CCN2: variants seen among roughly 807,000 people sequenced by gnomAD.
CCN2 encodes cellular communication network factor 2.
CCN2 carries 22 observed loss-of-function variants against 33.2 expected under a neutral mutation model. That is an observed-to-expected ratio of 0.66 (90% CI 0.47 to 0.95). The LOEUF (loss-of-function observed/expected upper bound fraction) is 0.95, where lower values mean the gene tolerates loss of function less well. Ranked by LOEUF, CCN2 falls within the 40% of genes least tolerant of loss-of-function variation. The pLI is 0.00. For synonymous variants in CCN2, 178 were observed against 200.6 expected, an observed-to-expected ratio of 0.89 and a Z score of 0.95; for missense variants, 469 against 498.8, an observed-to-expected ratio of 0.94 and a Z score of 0.57.
At position 131,950,374 on chromosome 6, in the gene CCN2, C is replaced by T; in HGVS notation, c.459G>A (p.Arg153=). ...LPSPDCPFPR[R]VKLPGKCCEE... is the part of the protein sequence containing the mutation. ...CGCAGCATTTCCCGGGCAGCTTGAC[C>T]CTCCTCGGGAAGGGGCAGTCAGGGC... The change falls in exon 3 of 5, where the codon AGG becomes AGA. Residue 153 remains arginine (R), a synonymous_variant. Coordinates refer to ENST00000367976, the MANE Select transcript of CCN2 (RefSeq NM_001901.4). The surrounding 1 kb of genome is among the most constrained non-coding windows in gnomAD (Gnocchi z 7.1). 6.2e-7 allele frequency: 1 copy of T among 1,614,140 alleles called. No homozygotes were observed. Among genetic ancestry groups the T allele is most frequent in the East Asian group, 2.2e-5 (1 of 44,860 alleles).
chr6:131,950,510 G>A lies in CCN2; in HGVS notation c.323C>T (p.Thr108Met), dbSNP rs758537392. 1.9e-6 allele frequency: 3 copies of A among 1,613,754 alleles called. No homozygotes were observed. The South Asian group carries it at 3.3e-5, about 18-fold the overall frequency. ...GAAGGACTCTCCGCTGCGGTACACCGTACCACCGAAGATGCAGGGAGCACC... is the reference window on the plus strand; with the variant it reads ...GAAGGACTCTCCGCTGCGGTACACCATACCACCGAAGATGCAGGGAGCACC... ...KDGAPCIFGG[T>M]VYRSGESFQS... Residue 108 changes from threonine to methionine, a missense_variant, in exon 3 of 5, where the codon ACG becomes ATG. Transcript: ENST00000367976. The surrounding 1 kb of genome is among the most constrained non-coding windows in gnomAD (Gnocchi z 7.1).
chr6:131,948,867 T>C lies in CCN2; in HGVS notation c.*397A>G. 1 of 235,692 alleles carries C rather than the reference T, an allele frequency of 4.2e-6. No individual in the cohort carries two copies. Among genetic ancestry groups the C allele is most frequent in the Non-Finnish European group, 8.5e-6 (1 of 117,078 alleles). The allele number at this position is 235,692 out of a possible 1,614,324, so 14.6% of individuals were successfully genotyped here. A position where few individuals can be genotyped will look rare whatever the true frequency, so the allele number is the denominator to read the frequency against. On this transcript the variant is annotated 3_prime_UTR_variant, in exon 5 of 5. Transcript: ENST00000367976. ...GGAGAATGCACATCCTAGCTGTCAC[T>C]GGGGCTACAGGCAGGTCAGTGAGCA...
In CCN2 at chr6:131,950,822, G is replaced by A. The variant is rs1203053867; in HGVS notation, c.237C>T (p.Gly79=). 1 of 1,543,074 alleles carries A rather than the reference G, an allele frequency of 6.5e-7. No individual in the cohort carries two copies. Among genetic ancestry groups the A allele is most frequent in the South Asian group, 1.2e-5 (1 of 84,550 alleles). Residue 79 remains glycine (G), a synonymous_variant, in exon 2 of 5, where the codon GGC becomes GGT. Coordinates refer to ENST00000367976, the MANE Select transcript of CCN2 (RefSeq NM_001901.4). This position sits in a 1 kb window ranked among gnomAD's most constrained non-coding sequence, Gnocchi z 7.1. ...TERDPCDPHK[G]LFCHFGSPAN... is the part of the protein sequence containing the mutation. ...CCGGGGAGCCGAAGTGACAGAATAG[G>A]CCCTTGTGCGGGTCGCATGGGTCGC...
Position 131,949,098 on chromosome 6 carries a change from ATTTG to A in CCN2, c.*162_*165del. ...AACCAGTGTCTGGGGTTGATAGACT[ATTTG>A]TTTGACATGGCACAATGTTTTGAAT... On this transcript the variant is annotated 3_prime_UTR_variant, in exon 5 of 5. Transcript: ENST00000367976. The A allele has an allele frequency of 1.5e-6, 1 of 648,648 alleles. No homozygotes were observed. The highest frequency in any genetic ancestry group is 2.7e-6 in the Non-Finnish European group (1 of 374,984). 40.2% of individuals were successfully genotyped at this position (648,648 alleles called of 1,614,324 possible).
In CCN2 at chr6:131,950,323, C is replaced by T; in HGVS notation, c.510G>A (p.Lys170=). ...CCEEWVCDEP[K]DQTVVGPALA... ...GGGCAGGCCCAACCACGGTTTGGTCCTTGGGCTCGTCACACACCCACTCCT... is the reference window on the plus strand; with the variant it reads ...GGGCAGGCCCAACCACGGTTTGGTCTTTGGGCTCGTCACACACCCACTCCT... Residue 170 remains lysine (K), a synonymous_variant, in exon 3 of 5, where the codon AAG becomes AAA. Transcript: ENST00000367976. The surrounding 1 kb of genome is among the most constrained non-coding windows in gnomAD (Gnocchi z 7.1). 1 of 1,614,108 alleles carries T rather than the reference C, an allele frequency of 6.2e-7. No homozygotes were observed. The highest frequency in any genetic ancestry group is 2.2e-5 in the East Asian group (1 of 44,876).
At position 131,950,830 on chromosome 6, in the gene CCN2, G is replaced by A; in HGVS notation, c.229C>T (p.His77Tyr). 2.6e-6 allele frequency: 4 copies of A among 1,541,024 alleles called. No individual in the cohort carries two copies. The highest frequency in any genetic ancestry group is 3.5e-6 in the Non-Finnish European group (4 of 1,150,566). The change falls in exon 2 of 5, where the codon CAC (histidine) becomes TAC (tyrosine). Residue 77 changes from histidine to tyrosine, a missense_variant. Physicochemically the swap from His to Tyr is moderately conservative, Grantham distance 83. Coordinates refer to ENST00000367976, the MANE Select transcript of CCN2 (RefSeq NM_001901.4). The surrounding 1 kb of genome is among the most constrained non-coding windows in gnomAD (Gnocchi z 7.1). ...LCTERDPCDP[H>Y]KGLFCHFGSP... ...CCGAAGTGACAGAATAGGCCCTTGT[G>A]CGGGTCGCATGGGTCGCGCTCGGTG... is the stretch of plus-strand genomic sequence containing the variant.
At chr6:131,949,918 G>C (rs1783076707) in intron 4 of CCN2, 31 bp downstream of exon 4, 4 of 1,607,304 alleles carry the variant, frequency 2.5e-6, no homozygotes, top group Non-Finnish European at 3.4e-6. Context: ...TTTTTCCTGT[G>C]AAAAATAGTT....
rs1295345031 is a variant in CCN2 at position 131,950,104 on chromosome 6, G to C, written c.598C>G (p.Leu200Val). ...GCGCTCCACTCTGTGGTCTGGACCA[G>C]GCAGTTGGCTCTAATCATAGTTGGG... ...PDPTMIRANC[L>V]VQTTEWSACS... Residue 200 changes from leucine (L) to valine (V), a missense_variant, in exon 4 of 5, where the codon CTG becomes GTG. Leu to Val is a conservative substitution (Grantham distance 32). Coordinates refer to ENST00000367976, the MANE Select transcript of CCN2 (RefSeq NM_001901.4). This position sits in a 1 kb window ranked among gnomAD's most constrained non-coding sequence, Gnocchi z 7.1. 1 of 1,614,254 alleles carries C rather than the reference G, an allele frequency of 6.2e-7. No homozygotes were observed. The highest frequency in any genetic ancestry group is 8.5e-7 in the Non-Finnish European group (1 of 1,180,046).
In CCN2 at chr6:131,948,557, T is replaced by C. The variant is rs1378872606; in HGVS notation, c.*707A>G. The C allele has an allele frequency of 1.3e-5, 2 of 152,374 alleles. No individual in the cohort carries two copies. The highest frequency in any genetic ancestry group is 2.9e-5 in the Non-Finnish European group (2 of 68,024). 9.4% of individuals were successfully genotyped at this position (152,374 alleles called of 1,614,324 possible). ...TGGTGTTCAGAAATTGAGGCTAACA[T>C]TGAAATATCAAAGCATTAAAAACAA... On this transcript the variant is annotated 3_prime_UTR_variant, in exon 5 of 5. Coordinates refer to ENST00000367976, the MANE Select transcript of CCN2 (RefSeq NM_001901.4).
chr6:131,949,542 G>C lies in CCN2; in HGVS notation c.772C>G (p.Arg258Gly). 1 of 1,607,598 alleles carries C rather than the reference G, an allele frequency of 6.2e-7. No homozygotes were observed. The highest frequency in any genetic ancestry group is 1.7e-4 in the Middle Eastern group (1 of 6,026). Residue 258 changes from arginine (R) to glycine (G), a missense_variant, in exon 5 of 5, where the codon CGT (arginine) becomes GGT (glycine). Physicochemically the swap from Arg to Gly is moderately radical, Grantham distance 125. Transcript: ENST00000367976. ...ATAGGCTTGGAGATTTTGGGAGTACGGATGCACTTTTTGCCCTTCTAAGGA... is the reference window on the plus strand; with the variant it reads ...ATAGGCTTGGAGATTTTGGGAGTACCGATGCACTTTTTGCCCTTCTAAGGA... ...ENIKKGKKCIRTPKISKPIKF... is the reference protein window; with the variant it reads ...ENIKKGKKCIGTPKISKPIKF...
At chr6:131,949,606 ACT>A in intron 4 of CCN2, 46 bp from the exon 5 acceptor site, 1 of 1,504,070 alleles carries the variant, frequency 6.6e-7, no homozygotes, top group Non-Finnish European at 9.2e-7. Flanking sequence ...AAAATCAGCG[ACT>A]CTACAAGAGG....
At position 131,950,653 on chromosome 6, in the gene CCN2, C is replaced by G; in HGVS notation, c.290-110G>C. ...GAGTTGGGATCTGGGCTGCAGGGGGCGGGCTGGCAGCAGCTGGAGAAAGAA... is the reference window on the plus strand; with the variant it reads ...GAGTTGGGATCTGGGCTGCAGGGGGGGGGCTGGCAGCAGCTGGAGAAAGAA... On this transcript the variant is annotated intron_variant, in intron 2 of 4. Transcript: ENST00000367976. The surrounding 1 kb of genome is among the most constrained non-coding windows in gnomAD (Gnocchi z 7.1). 6.6e-7 allele frequency: 1 copy of G among 1,512,394 alleles called. No individual in the cohort carries two copies. Among genetic ancestry groups the G allele is most frequent in the Non-Finnish European group, 9.0e-7 (1 of 1,116,222 alleles). The allele number at this position is 1,512,394 out of a possible 1,614,324, so 93.7% of individuals were successfully genotyped here.
chr6:131,950,232 G>A lies in CCN2; in HGVS notation c.541+60C>T. ...GTATTTCCCCCGTTCGGTCGGCACA[G>A]TTAGGACTCCCTCCCTGGGAGAGAA... is the stretch of plus-strand genomic sequence containing the variant. On this transcript the variant is annotated intron_variant, in intron 3 of 4. Coordinates refer to ENST00000367976, the MANE Select transcript of CCN2 (RefSeq NM_001901.4). This position sits in a 1 kb window ranked among gnomAD's most constrained non-coding sequence, Gnocchi z 7.1. The A allele has an allele frequency of 6.2e-7, 1 of 1,610,736 alleles. No individual in the cohort carries two copies. Among genetic ancestry groups the A allele is most frequent in the Non-Finnish European group, 8.5e-7 (1 of 1,177,448 alleles).
intron 4 of CCN2, 141 bp from the exon 5 acceptor site, chr6:131,949,701 C>T: frequency 1.1e-6 from 1 of 929,378 alleles, no homozygotes; most frequent in Non-Finnish European, 1.6e-6. Flanking sequence ...GTTTGAGTCT[C>T]ATTTGCTATG....
chr6:131,949,322 C>T lies in CCN2; in HGVS notation c.992G>A (p.Gly331Glu). 2 of 1,614,194 alleles carry T rather than the reference C, an allele frequency of 1.2e-6. No individual in the cohort carries two copies. The highest frequency in any genetic ancestry group is 1.7e-6 in the Non-Finnish European group (2 of 1,180,044). The stretch of plus-strand genomic sequence containing the variant: ...CAGCGATTCAAAGATGTCATTGTCT[C>T]CGGGACAGTTGTAATGGCAGGCACA... Reference protein sequence around the residue: ...KTCACHYNCPGDNDIFESLYY... With the variant: ...KTCACHYNCPEDNDIFESLYY... The change falls in exon 5 of 5, where the codon GGA becomes GAA. Residue 331 changes from glycine to glutamate, a missense_variant. Coordinates refer to ENST00000367976, the MANE Select transcript of CCN2 (RefSeq NM_001901.4).
chr6:131,951,061 C>T (rs1234682467), intron 1 of CCN2, 46 bp downstream of exon 1: 3 of 1,281,272 alleles, frequency 2.3e-6, no homozygotes, highest in Non-Finnish European at 2.9e-6. Context: ...GGCCCCGAGT[C>T]CCTCCCTGGC....
At position 131,950,497 on chromosome 6, in the gene CCN2, G is replaced by C; in HGVS notation, c.336C>G (p.Ser112Arg). Residue 112 changes from serine (S) to arginine (R), a missense_variant, in exon 3 of 5, where the codon AGC becomes AGG. By Grantham distance (110) the Ser-to-Arg change is moderately radical. Coordinates refer to ENST00000367976, the MANE Select transcript of CCN2 (RefSeq NM_001901.4). This position sits in a 1 kb window ranked among gnomAD's most constrained non-coding sequence, Gnocchi z 7.1. ...PCIFGGTVYR[S>R]GESFQSSCKY... ...TGCAGCTGCTCTGGAAGGACTCTCC[G>C]CTGCGGTACACCGTACCACCGAAGA... 6.2e-7 allele frequency: 1 copy of C among 1,613,818 alleles called. No individual in the cohort carries two copies. Among genetic ancestry groups the C allele is most frequent in the Non-Finnish European group, 8.5e-7 (1 of 1,180,028 alleles).
rs1783053381 is a variant in CCN2, at chr6:131,948,564, A to G, written c.*700T>C. On this transcript the variant is annotated 3_prime_UTR_variant, in exon 5 of 5. Coordinates refer to ENST00000367976, the MANE Select transcript of CCN2 (RefSeq NM_001901.4). Reference sequence around the variant, plus strand: ...CAGAAATTGAGGCTAACATTGAAATATCAAAGCATTAAAAACAAAAATAAA... The same window carrying G: ...CAGAAATTGAGGCTAACATTGAAATGTCAAAGCATTAAAAACAAAAATAAA... 6.6e-6 allele frequency: 1 copy of G among 152,622 alleles called. No individual in the cohort carries two copies. Among genetic ancestry groups the G allele is most frequent in the African/African-American group, 2.4e-5 (1 of 41,446 alleles). The allele number at this position is 152,622 out of a possible 1,614,324, so 9.5% of individuals were successfully genotyped here.
chr6:131,950,164 C>T lies in CCN2; in HGVS notation c.542-4G>A, dbSNP rs1321360963. On this transcript the variant is annotated splice_polypyrimidine_tract_variant and splice_region_variant and intron_variant, in intron 3 of 4. Transcript: ENST00000367976. The surrounding 1 kb of genome is among the most constrained non-coding windows in gnomAD (Gnocchi z 7.1). ...AACGTGTCTTCCAGTCGGTAAGCTG[C>T]GAGAGCAGAGCACACAAACACCATG... 4 of 1,614,216 alleles carry T rather than the reference C, an allele frequency of 2.5e-6. No individual in the cohort carries two copies. The highest frequency in any genetic ancestry group is 4.5e-5 in the East Asian group (2 of 44,878).
Sources: gnomAD v4.1 joint callset for allele counts on GRCh38, gnomAD v4.1.1 for gene constraint, Gnocchi (gnomAD v3.1) non-coding constraint, MANE v1.5 for transcripts, NCBI Gene and HGNC (gene_info 2026-07-23, HGNC 2026-07-21) for gene names.